The following AGBL4 variants were observed in gnomAD, a reference collection of about 807,000 sequenced individuals.
AGBL4 encodes the protein cytosolic carboxypeptidase 6.
A neutral mutation model predicts 66.4 loss-of-function variants in AGBL4; 58 were observed. That is an observed-to-expected ratio of 0.87 (90% CI 0.71 to 1.09). AGBL4 has a LOEUF of 1.09. AGBL4 is among the 50% of genes least tolerant of loss of function. The probability of loss-of-function intolerance (pLI) is 0.00; values close to 1 mark genes in which losing one functional copy is unlikely to be tolerated. For synonymous variants in AGBL4, 234 were observed against 222.9 expected (o/e 1.05, Z -0.44); for missense variants, 579 against 631.0 (o/e 0.92, Z 0.88).
chr1:49,154,589 C>T (rs1393339819), intron 4 of AGBL4, among the ~76,000 whole-genome samples: 1 of 152,120 alleles, frequency 6.6e-6, no homozygotes, highest in Admixed American at 6.5e-5. Flanking sequence ...AAAACACAAA[C>T]TGTGGCCTTC....
chr1:49,649,468 A>C lies in AGBL4; in HGVS notation c.282+47845T>G, dbSNP rs140923843. Among the ~76,000 whole-genome samples, 447 of 152,312 alleles carry C rather than the reference A, an allele frequency of 2.9e-3. 2 individuals are homozygous for C. The highest frequency in any genetic ancestry group is 4.9e-3 in the Non-Finnish European group (336 of 68,012). On this transcript the variant is annotated intron_variant, in intron 3 of 13. Transcript: ENST00000371839. ...TAACAAGAGAGCATCAAACTACATG[A>C]GACAGAAATTTCTAGAACTGCAAGT...
chr1:49,663,314 C>T (rs1224540396), intron 3 of AGBL4, among the ~76,000 whole-genome samples: 1 of 152,140 alleles, frequency 6.6e-6, no homozygotes, highest in Non-Finnish European at 1.5e-5. Flanking sequence ...TGACATGTTG[C>T]TGTGCAACTA....
intron 6 of AGBL4, among the ~76,000 whole-genome samples, chr1:48,860,775 G>A (rs896485839): frequency 1.6e-4 from 24 of 152,284 alleles, no homozygotes; most frequent in Non-Finnish European, 3.2e-4. Flanking sequence ...ATCACACAGG[G>A]AGATGTGAAC....
At chr1:49,094,456 T>C (rs1470760193) in intron 4 of AGBL4, among the ~76,000 whole-genome samples, 2 of 152,132 alleles carry the variant, frequency 1.3e-5, no homozygotes, top group African/African-American at 2.4e-5. Flanking sequence ...ATGTGGTTTT[T>C]GTCGTTGGTT....
chr1:49,194,503 C>A (rs921285344), intron 4 of AGBL4, among the ~76,000 whole-genome samples: 2 of 152,112 alleles, frequency 1.3e-5, no homozygotes, highest in Non-Finnish European at 2.9e-5. Flanking sequence ...ATGATTTAAT[C>A]CATTTACATT....
At chr1:48,960,165 G>T (rs1657842913) in intron 5 of AGBL4, among the ~76,000 whole-genome samples, 1 of 152,060 alleles carries the variant, frequency 6.6e-6, no homozygotes, top group Admixed American at 6.6e-5. Context: ...AGTGATGAGA[G>T]TGAATAGGAA....
At chr1:48,560,710 G>T (rs1362657463) in intron 11 of AGBL4, among the ~76,000 whole-genome samples, 1 of 152,158 alleles carries the variant, frequency 6.6e-6, no homozygotes, top group Admixed American at 6.5e-5. Context: ...TCTTCTCTGG[G>T]TATCAGTTTA....
At chr1:48,755,014 G>A (rs927054755) in intron 6 of AGBL4, among the ~76,000 whole-genome samples, 4 of 152,198 alleles carry the variant, frequency 2.6e-5, no homozygotes, top group Non-Finnish European at 5.9e-5. Context: ...CTCCATGTTG[G>A]AATACTTCCT....
chr1:49,286,188 A>T (rs1449957604), intron 3 of AGBL4, among the ~76,000 whole-genome samples: 1 of 152,214 alleles, frequency 6.6e-6, no homozygotes, highest in African/African-American at 2.4e-5. Flanking sequence ...CTCTCAATAA[A>T]TTAGGTATTG....
chr1:49,956,911 C>A (rs530429355), intron 1 of AGBL4, among the ~76,000 whole-genome samples: 1 of 152,066 alleles, frequency 6.6e-6, no homozygotes, highest in East Asian at 1.9e-4. Context: ...AGTAGATTAA[C>A]CCTAGATTGT....
chr1:49,674,507 A>G (rs1458856021), intron 3 of AGBL4, among the ~76,000 whole-genome samples: 1 of 147,948 alleles, frequency 6.8e-6, no homozygotes, highest in Non-Finnish European at 1.5e-5. Context: ...ATATATAATT[A>G]TATTTATATA....
intron 4 of AGBL4, among the ~76,000 whole-genome samples, chr1:49,218,384 A>G (rs942972943): frequency 1.3e-5 from 2 of 152,184 alleles, no homozygotes; most frequent in Admixed American, 6.6e-5. Context: ...CAATGATGCT[A>G]TCAAAAGCAG....
rs1649101562 is a variant in AGBL4 at position 48,736,613 on chromosome 1, T to C, written c.635-73372A>G. ...GGTAATCGTAATAGCTATCATCTAC[T>C]GAATACGTGTAGTGTGCCAGGCCTT... On this transcript the variant is annotated intron_variant, in intron 6 of 13. Transcript: ENST00000371839. This position sits in a 1 kb window ranked among gnomAD's most constrained non-coding sequence, Gnocchi z 4.0. Among the ~76,000 whole-genome samples the C allele has an allele frequency of 6.6e-6, 1 of 152,232 alleles. No homozygotes were observed. Among genetic ancestry groups the C allele is most frequent in the African/African-American group, 2.4e-5 (1 of 41,460 alleles).
At chr1:49,949,876 C>T (rs1571942349) in intron 1 of AGBL4, among the ~76,000 whole-genome samples, 1 of 150,602 alleles carries the variant, frequency 6.6e-6, no homozygotes, top group Non-Finnish European at 1.5e-5. Flanking sequence ...GAAAAGAAGT[C>T]ATTATACAAA....
At chr1:49,319,371 A>G (rs1472930105) in intron 3 of AGBL4, among the ~76,000 whole-genome samples, 1 of 152,222 alleles carries the variant, frequency 6.6e-6, no homozygotes, top group African/African-American at 2.4e-5. Context: ...TAAAAAAATT[A>G]CAATGTCATT....
chr1:49,947,621 T>C (rs1191686621), intron 1 of AGBL4, among the ~76,000 whole-genome samples: 1 of 151,764 alleles, frequency 6.6e-6, no homozygotes, highest in Non-Finnish European at 1.5e-5. Context: ...GCATTCCCTC[T>C]GAGAACTGGA....
chr1:48,981,980 G>GTGTT (rs1172958654), intron 5 of AGBL4, among the ~76,000 whole-genome samples: 1 of 152,224 alleles, frequency 6.6e-6, no homozygotes, highest in African/African-American at 2.4e-5. Flanking sequence ...CTCTGGAGAA[G>GTGTT]TGTTGATAAC....
chr1:48,839,381 A>G (rs574336146), intron 6 of AGBL4, among the ~76,000 whole-genome samples: 17 of 152,176 alleles, frequency 1.1e-4, no homozygotes, highest in African/African-American at 4.1e-4. Context: ...GAATGTCTTT[A>G]TGTCTTTTTG....
intron 6 of AGBL4, among the ~76,000 whole-genome samples, chr1:48,711,497 T>C (rs1289509752): frequency 1.3e-5 from 2 of 152,206 alleles, no homozygotes; most frequent in African/African-American, 2.4e-5. Context: ...GGCACCGCTA[T>C]GTCAGGAAAG....
Sources: gnomAD v4.1 joint callset for allele counts (sites outside exome capture counted in the v4.1 genomes callset) on GRCh38, gnomAD v4.1.1 for gene constraint, Gnocchi (gnomAD v3.1) non-coding constraint, MANE v1.5 for transcripts, NCBI Gene and HGNC (gene_info 2026-07-23, HGNC 2026-07-21) for gene names.